GNLY: variants seen among roughly 807,000 people sequenced by gnomAD.
The protein encoded by GNLY is granulysin.
A neutral mutation model predicts 18.5 loss-of-function variants in GNLY; 15 were observed. The observed-to-expected ratio is 0.81, with a 90% CI of 0.54 to 1.25. The LOEUF (loss-of-function observed/expected upper bound fraction) is 1.25. GNLY is among the 50% of genes most tolerant of loss of function. The pLI is 0.00. For synonymous variants in GNLY, 77 were observed against 74.9 expected, an observed-to-expected ratio of 1.03 and a Z score of -0.14; for missense variants, 178 against 186.9, an observed-to-expected ratio of 0.95 and a Z score of 0.28.
chr2:85,694,834 A>C, intron 1 of GNLY: 1 of 1,511,656 alleles, frequency 6.6e-7, no homozygotes, highest in Non-Finnish European at 8.8e-7. Context: ...ACTGTCTAGG[A>C]TTGTGCGGGG....
chr2:85,698,460 G>T (rs572637249), intron 4 of GNLY, 104 bp from the exon 5 acceptor site: 4 of 1,601,588 alleles, frequency 2.5e-6, no homozygotes, highest in South Asian at 2.2e-5. Context: ...GTGTTCAGTA[G>T]GGTCAGGTGG....
rs1383988913 is a variant in GNLY at position 85,694,436 on chromosome 2, C to T, written c.18C>T (p.Leu6=). MATWA[L]LLLAAMLLGN... is the part of the protein sequence containing the mutation. ...GCCCCACCATGGCTACCTGGGCCCT[C>T]CTGCTCCTTGCAGCCATGCTCCTGG... The change falls in exon 1 of 5, where the codon CTC becomes CTT. Residue 6 remains leucine (L), a synonymous_variant. Coordinates refer to ENST00000263863, the MANE Select transcript of GNLY (RefSeq NM_006433.5). The T allele has an allele frequency of 6.2e-7, 1 of 1,614,034 alleles. No homozygotes were observed. The highest frequency in any genetic ancestry group is 8.5e-7 in the Non-Finnish European group (1 of 1,180,018).
chr2:85,697,137 C>T (rs1314487965), intron 3 of GNLY: 1 of 205,828 alleles, frequency 4.9e-6, no homozygotes, highest in Admixed American at 5.3e-5. Context: ...TCTATGCACC[C>T]CCTCTATCTG....
At chr2:85,697,126 C>T in intron 3 of GNLY, 1 of 190,242 alleles carries the variant, frequency 5.3e-6, no homozygotes, top group Admixed American at 5.6e-5. Context: ...CACCAGTCTT[C>T]TCTATGCACC....
chr2:85,694,785 T>C (rs762176890), intron 1 of GNLY: 13 of 1,446,038 alleles, frequency 9.0e-6, no homozygotes, highest in African/African-American at 1.4e-5. Context: ...GTGAAGGCCA[T>C]TGGCCCTCAT....
chr2:85,697,743 C>T (rs950787161), intron 4 of GNLY, 66 bp downstream of exon 4: 2 of 1,105,978 alleles, frequency 1.8e-6, no homozygotes, highest in Non-Finnish European at 2.7e-6. Flanking sequence ...CAGGATATAT[C>T]AAAGCTGCCT....
rs1252058023 is a variant in GNLY at position 85,698,283 on chromosome 2, G to A, written c.428-281G>A. ...GGAAATGGGGCCAGAAAGGGGCCTC[G>A]GTGATTGGCTCTGGCAGCTCAGCTG... On this transcript the variant is annotated intron_variant, in intron 4 of 4. Coordinates refer to ENST00000263863, the MANE Select transcript of GNLY (RefSeq NM_006433.5). The A allele has an allele frequency of 1.5e-5, 10 of 662,412 alleles. No individual in the cohort carries two copies. The East Asian group carries it at 2.1e-4, about 14-fold the overall frequency. The allele number at this position is 662,412 out of a possible 1,614,324, so 41.0% of individuals were successfully genotyped here. A position where few individuals can be genotyped will look rare whatever the true frequency, so the allele number is the denominator to read the frequency against.
At chr2:85,696,347 C>T (rs1270422090) in intron 3 of GNLY, 1 of 348,328 alleles carries the variant, frequency 2.9e-6, no homozygotes, top group Admixed American at 4.5e-5. Flanking sequence ...CCCTAAAGCC[C>T]TAACATTTGT....
In GNLY at chr2:85,697,607, C is replaced by T. The variant is rs1678508869; in HGVS notation, c.357C>T (p.Thr119=). The part of the protein sequence containing the change: ...NFMRRYQSRV[T]QGLVAGETAQ... Reference sequence around the variant, plus strand: ...TGAGGAGGTATCAGTCTAGAGTTACCCAGGGCCTCGTGGCCGGAGAAACTG... The same window carrying T: ...TGAGGAGGTATCAGTCTAGAGTTACTCAGGGCCTCGTGGCCGGAGAAACTG... Residue 119 remains threonine, a synonymous_variant, in exon 4 of 5, where the codon ACC becomes ACT. Transcript: ENST00000263863. The T allele has an allele frequency of 6.2e-7, 1 of 1,613,348 alleles. No homozygotes were observed. The highest frequency in any genetic ancestry group is 1.3e-5 in the African/African-American group (1 of 75,046).
chr2:85,694,902 C>T lies in GNLY; in HGVS notation c.53-418C>T, dbSNP rs762629916. ...AGGCAGACTTCCTGCCCCCTGCACC[C>T]TGCTCTCTCCCAGGCCTTGAGGTCA... On this transcript the variant is annotated intron_variant, in intron 1 of 4. Coordinates refer to ENST00000263863, the MANE Select transcript of GNLY (RefSeq NM_006433.5). 3.9e-6 allele frequency: 6 copies of T among 1,556,388 alleles called. No individual in the cohort carries two copies. In the East Asian group the frequency reaches 1.4e-4, roughly 37 times the overall value.
In GNLY at chr2:85,697,487, T is replaced by TGTG. The variant is rs1238916062; in HGVS notation, c.256-15_256-13dup. 6 of 1,610,286 alleles carry TGTG rather than the reference T, an allele frequency of 3.7e-6. No homozygotes were observed. The highest frequency in any genetic ancestry group is 1.7e-5 in the Admixed American group (1 of 60,012). On this transcript the variant is annotated intron_variant, in intron 3 of 4. Coordinates refer to ENST00000263863, the MANE Select transcript of GNLY (RefSeq NM_006433.5). ...GGACTCACCCTATAACCATGTCCAC[T>TGTG]GTGGTGCTGCTGCTGCAGAGAAGTG...
Position 85,694,479 on chromosome 2 carries a change from T to C in GNLY, c.52+9T>C. On this transcript the variant is annotated intron_variant, in intron 1 of 4. Transcript: ENST00000263863. Reference sequence around the variant, plus strand: ...GCTCCTGGGCAACCCAGGTAAGGCCTTCCCCTCGGGATCGATCCTGATGGC... The same window carrying C: ...GCTCCTGGGCAACCCAGGTAAGGCCCTCCCCTCGGGATCGATCCTGATGGC... The C allele has an allele frequency of 6.2e-7, 1 of 1,613,402 alleles. No individual in the cohort carries two copies. Among genetic ancestry groups the C allele is most frequent in the Non-Finnish European group, 8.5e-7 (1 of 1,179,432 alleles).
At chr2:85,694,752 G>A in intron 1 of GNLY, 1 of 1,439,236 alleles carries the variant, frequency 6.9e-7, no homozygotes, top group South Asian at 1.5e-5. Flanking sequence ...TCCCTCCCAA[G>A]CCCCTGCCTC....
At chr2:85,695,022 G>A in intron 1 of GNLY, 1 of 1,575,628 alleles carries the variant, frequency 6.3e-7, no homozygotes, top group Non-Finnish European at 8.6e-7. Context: ...CCCTTGAAAG[G>A]AGATTGAGGG....
rs73943271 is a variant in GNLY at position 85,695,273 on chromosome 2, C to G, written c.53-47C>G. ...CACCAGCCAGGAGAACGGGCTTTCC[C>G]TCTCCTTCCGCCTGCGGAGGGGAAG... On this transcript the variant is annotated intron_variant, in intron 1 of 4. Transcript: ENST00000263863. The G allele has an allele frequency of 1.4e-3, 1,912 of 1,371,384 alleles. 16 individuals carry two copies. The African/African-American group carries it at 0.019, about 14-fold the overall frequency. The allele number at this position is 1,371,384 out of a possible 1,614,324, so 85.0% of individuals were successfully genotyped here. A position where few individuals can be genotyped will look rare whatever the true frequency, so the allele number is the denominator to read the frequency against.
chr2:85,694,998 T>TAA (rs113717357), intron 1 of GNLY: 1 of 1,589,908 alleles, frequency 6.3e-7, no homozygotes, highest in African/African-American at 1.3e-5. Context: ...GGATGGAAGG[T>TAA]AAAAAAAGAA....
Position 85,695,908 on chromosome 2 carries a change from C to T in GNLY, c.157-50C>T, listed in dbSNP as rs368762529. ...GGCCCCTTTCCTGGGCACTTTCACG[C>T]GCTCCCAGAGTGTCTGAGAGACCAT... On this transcript the variant is annotated intron_variant, in intron 2 of 4. Transcript: ENST00000263863. 7.5e-5 allele frequency: 80 copies of T among 1,071,074 alleles called. 1 individual carries two copies. Among genetic ancestry groups the T allele is most frequent in the South Asian group, 3.0e-4 (23 of 76,304 alleles). 66.3% of individuals were successfully genotyped at this position (1,071,074 alleles called of 1,614,324 possible).
intron 1 of GNLY, chr2:85,694,707 C>T: frequency 6.3e-6 from 9 of 1,426,590 alleles, no homozygotes; most frequent in Non-Finnish European, 7.4e-6. Context: ...GGTCCTAACT[C>T]TACTGGCCAC....
chr2:85,696,643 A>G (rs1274760077), intron 3 of GNLY: 2 of 151,878 alleles, frequency 1.3e-5, no homozygotes, highest in Non-Finnish European at 2.9e-5. Flanking sequence ...TGGCCCAAGC[A>G]ATTCTCCTGT....
Sources: allele counts gnomAD v4.1 joint callset, GRCh38; gene constraint gnomAD v4.1.1; transcripts MANE v1.5; gene names NCBI Gene and HGNC (gene_info 2026-07-23, HGNC 2026-07-21).